Variants in INTU observed in about 807,000 individuals in gnomAD.
The protein encoded by INTU is protein inturned.
A neutral mutation model predicts 100.5 loss-of-function variants in INTU; 68 were observed. The ratio of observed to expected loss-of-function variants is 0.68; its 90% CI spans 0.56 to 0.83. INTU has a LOEUF of 0.83. INTU is among the 40% of genes least tolerant of loss of function. The pLI is 0.00. For synonymous variants in INTU, 357 were observed against 395.7 expected (o/e 0.90, Z 1.16); for missense variants, 1,071 against 1,114.7 (o/e 0.96, Z 0.56).
chr4:127,644,598 C>G (rs1727488271), intron 2 of INTU, among the ~76,000 whole-genome samples: 1 of 151,952 alleles, frequency 6.6e-6, no homozygotes. Context: ...TAAAATAGCC[C>G]ACCAATTTTC....
At chr4:127,656,115 C>T (rs927993709) in intron 2 of INTU, among the ~76,000 whole-genome samples, 6 of 152,142 alleles carry the variant, frequency 3.9e-5, no homozygotes, top group Admixed American at 1.3e-4. Context: ...GACCTACGCC[C>T]ACTGTCTGGT....
chr4:127,707,521 C>G (rs1312747728), intron 12 of INTU, among the ~76,000 whole-genome samples: 1 of 151,902 alleles, frequency 6.6e-6, no homozygotes, highest in Admixed American at 6.6e-5. Context: ...CATCTCTTCC[C>G]TATTTGCAAT....
rs1440478570 is a variant in INTU at position 127,723,606 on chromosome 4, G to A, written c.*7170G>A. The A allele has an allele frequency of 1.3e-5, 2 of 151,716 alleles. No homozygotes were observed. Among genetic ancestry groups the A allele is most frequent in the Non-Finnish European group, 2.9e-5 (2 of 67,936 alleles). The allele number at this position is 151,716 out of a possible 1,614,324, so 9.4% of individuals were successfully genotyped here. A position where few individuals can be genotyped will look rare whatever the true frequency, so the allele number is the denominator to read the frequency against. ...AATTTTGACTAGGATATATATATGTGTGTGTGTGTATATATATGTATTTTT... is the reference window on the plus strand; with the variant it reads ...AATTTTGACTAGGATATATATATGTATGTGTGTGTATATATATGTATTTTT... On this transcript the variant is annotated 3_prime_UTR_variant, in exon 16 of 16. Coordinates refer to ENST00000335251, the MANE Select transcript of INTU (RefSeq NM_015693.4).
In INTU at chr4:127,719,982, A is replaced by G. The variant is rs906869488; in HGVS notation, c.*3546A>G. On this transcript the variant is annotated 3_prime_UTR_variant, in exon 16 of 16. Transcript: ENST00000335251. ...GGTTTTTCATGTCTCTAGCTCCTTCATTTCCACTCTGATTTTGGTTACTTT... is the reference window on the plus strand; with the variant it reads ...GGTTTTTCATGTCTCTAGCTCCTTCGTTTCCACTCTGATTTTGGTTACTTT... The G allele has an allele frequency of 6.6e-6, 1 of 151,588 alleles. No individual in the cohort carries two copies. The highest frequency in any genetic ancestry group is 2.4e-5 in the African/African-American group (1 of 41,244). The allele number at this position is 151,588 out of a possible 1,614,324, so 9.4% of individuals were successfully genotyped here. A position where few individuals can be genotyped will look rare whatever the true frequency, so the allele number is the denominator to read the frequency against.
intron 2 of INTU, among the ~76,000 whole-genome samples, chr4:127,656,069 C>T (rs1237928233): frequency 1.3e-5 from 2 of 152,240 alleles, no homozygotes; most frequent in African/African-American, 2.4e-5. Flanking sequence ...CAATGCCTCG[C>T]CCTGCTTTGG....
In INTU at chr4:127,706,722, C is replaced by G; in HGVS notation, c.2024C>G (p.Pro675Arg). 2 of 1,614,104 alleles carry G rather than the reference C, an allele frequency of 1.2e-6. No individual in the cohort carries two copies. Among genetic ancestry groups the G allele is most frequent in the East Asian group, 2.2e-5 (1 of 44,882 alleles). Residue 675 changes from proline to arginine, a missense_variant, in exon 12 of 16, where the codon CCT (proline) becomes CGT (arginine). By Grantham distance (103) the Pro-to-Arg change is moderately radical. Transcript: ENST00000335251. ...REKTDSLTTS[P>R]ILSRLQGTSK... The stretch of plus-strand genomic sequence containing the variant: ...AAAACAGATAGCTTGACCACTTCGC[C>G]TATTCTCAGTAGGCTACAAGGTACT...
intron 2 of INTU, among the ~76,000 whole-genome samples, chr4:127,646,793 C>A (rs1727611760): frequency 6.6e-6 from 1 of 151,584 alleles, no homozygotes; most frequent in African/African-American, 2.4e-5. Flanking sequence ...TTGGTGCCCA[C>A]ATATTATAGA....
chr4:127,640,538 G>GATATATAT (rs1560825535), intron 1 of INTU, among the ~76,000 whole-genome samples: 5 of 70,372 alleles, frequency 7.1e-5, no homozygotes, highest in African/African-American at 3.3e-4. Flanking sequence ...TTTGGGTAAA[G>GATATATAT]ATACATATAT....
rs1168604874 is a variant in INTU at position 127,640,538 on chromosome 4, GATACATAT to G, written c.147-2979_147-2972del. Among the ~76,000 whole-genome samples the G allele has an allele frequency of 8.5e-5, 6 of 70,360 alleles. 1 individual carries two copies. Among genetic ancestry groups the G allele is most frequent in the African/African-American group, 4.0e-4 (6 of 15,114 alleles). 46.2% of individuals were successfully genotyped at this position (70,360 alleles called of 152,430 possible). A position where few individuals can be genotyped will look rare whatever the true frequency, so the allele number is the denominator to read the frequency against. ...AAATTGGTATAGTCTTTTGGGTAAAGATACATATATATATATATATATATATATATATA... is the reference window on the plus strand; with the variant it reads ...AAATTGGTATAGTCTTTTGGGTAAAGATATATATATATATATATATATATA... On this transcript the variant is annotated intron_variant, in intron 1 of 15. Transcript: ENST00000335251.
intron 2 of INTU, among the ~76,000 whole-genome samples, chr4:127,648,570 C>G (rs771582279): frequency 1.3e-5 from 2 of 152,166 alleles, no homozygotes; most frequent in Non-Finnish European, 2.9e-5. Context: ...TTTGGCACAT[C>G]ATCCAATGGA....
Position 127,633,009 on chromosome 4 carries a change from C to A in INTU, c.-26C>A. On this transcript the variant is annotated 5_prime_UTR_variant, in exon 1 of 16. Transcript: ENST00000335251. Reference sequence around the variant, plus strand: ...TATAGCTGCGAGATTTGAATTACTCCACTCGTAGCTATTGCATTCCTGACG... The same window carrying A: ...TATAGCTGCGAGATTTGAATTACTCAACTCGTAGCTATTGCATTCCTGACG... 6.2e-7 allele frequency: 1 copy of A among 1,600,804 alleles called. No homozygotes were observed.
At chr4:127,651,049 A>C (rs1232673497) in intron 2 of INTU, among the ~76,000 whole-genome samples, 1 of 152,040 alleles carries the variant, frequency 6.6e-6, no homozygotes, top group Non-Finnish European at 1.5e-5. Flanking sequence ...TCCTTCTCCC[A>C]CTTTTTGATG....
chr4:127,711,993 G>A (rs1246225757), intron 14 of INTU, among the ~76,000 whole-genome samples: 2 of 152,156 alleles, frequency 1.3e-5, no homozygotes, highest in Non-Finnish European at 2.9e-5. Flanking sequence ...GAAAAGATAG[G>A]TGTTGATTTC....
chr4:127,668,392 T>G (rs888272943), intron 4 of INTU, among the ~76,000 whole-genome samples: 5 of 151,958 alleles, frequency 3.3e-5, no homozygotes, highest in African/African-American at 1.2e-4. Flanking sequence ...ATATGCTCTT[T>G]TAAAGTTTGA....
chr4:127,658,192 A>G (rs1359154459), intron 3 of INTU, among the ~76,000 whole-genome samples: 1 of 152,244 alleles, frequency 6.6e-6, no homozygotes, highest in African/African-American at 2.4e-5. Context: ...TTGTATGCAC[A>G]TGTATGTGTG....
Position 127,643,977 on chromosome 4 carries a change from G to T in INTU, c.603G>T (p.Lys201Asn). ...QTKWSWRRTG[K>N]QGDGERLVVH... Reference sequence around the variant, plus strand: ...AGTGGAGCTGGAGAAGAACCGGAAAGCAGGGTGATGGAGAGAGGCTTGTGG... The same window carrying T: ...AGTGGAGCTGGAGAAGAACCGGAAATCAGGGTGATGGAGAGAGGCTTGTGG... The change falls in exon 2 of 16, where the codon AAG becomes AAT. Residue 201 changes from lysine to asparagine, a missense_variant. By Grantham distance (94) the Lys-to-Asn change is moderately conservative (BLOSUM62 0). Transcript: ENST00000335251. 1 of 1,614,176 alleles carries T rather than the reference G, an allele frequency of 6.2e-7. No homozygotes were observed. Among genetic ancestry groups the T allele is most frequent in the East Asian group, 2.2e-5 (1 of 44,890 alleles).
chr4:127,686,421 C>T (rs1729828751), intron 7 of INTU: 1 of 152,348 alleles, frequency 6.6e-6, no homozygotes, highest in Non-Finnish European at 1.5e-5. Flanking sequence ...AACTAATTTT[C>T]ATATAGCAGC....
chr4:127,712,012 G>T (rs1295401336), intron 14 of INTU, among the ~76,000 whole-genome samples: 4 of 152,142 alleles, frequency 2.6e-5, no homozygotes, highest in Non-Finnish European at 4.4e-5. Context: ...TCTTGAAAAG[G>T]ATAAAACTTA....
chr4:127,647,958 G>T (rs924835452), intron 2 of INTU, among the ~76,000 whole-genome samples: 10 of 149,460 alleles, frequency 6.7e-5, no homozygotes, highest in South Asian at 2.1e-4. Flanking sequence ...TACACATGTT[G>T]TTTGATGTTA....
Sources: gnomAD v4.1 joint callset for allele counts (sites outside exome capture counted in the v4.1 genomes callset) on GRCh38, gnomAD v4.1.1 for gene constraint, MANE v1.5 for transcripts, NCBI Gene and HGNC (gene_info 2026-07-23, HGNC 2026-07-21) for gene names.